The following TEX101 variants were observed in gnomAD, a reference collection of about 807,000 sequenced individuals.
TEX101 encodes testis expressed 101.
A neutral mutation model predicts 18.1 loss-of-function variants in TEX101; 10 were observed. That is an observed-to-expected ratio of 0.55 (90% CI 0.34 to 0.94). The LOEUF is 0.94. Ranked by LOEUF, TEX101 falls within the 40% of genes least tolerant of loss-of-function variation. The probability of loss-of-function intolerance (pLI) is 0.02; values close to 1 mark genes in which losing one functional copy is unlikely to be tolerated. For synonymous variants in TEX101, 94 were observed against 114.8 expected, an observed-to-expected ratio of 0.82 and a Z score of 1.16; for missense variants, 259 against 298.9, an observed-to-expected ratio of 0.87 and a Z score of 0.98.
Position 43,418,207 on chromosome 19 carries a change from C to G in TEX101, c.560C>G (p.Ala187Gly), listed in dbSNP as rs1239636290. ...TCTGTGGAGGTCAAAGGCTGTACAG[C>G]CATGATTGGCTGCAGGCTGATGTCT... is the stretch of plus-strand genomic sequence containing the variant. ...ESSVEVKGCTAMIGCRLMSGI... is the reference protein window; with the variant it reads ...ESSVEVKGCTGMIGCRLMSGI... The change falls in exon 6 of 6, where the codon GCC becomes GGC. Residue 187 changes from alanine (A) to glycine (G), a missense_variant. Coordinates refer to ENST00000598265, the MANE Select transcript of TEX101 (RefSeq NM_001130011.3). 1 of 1,614,068 alleles carries G rather than the reference C, an allele frequency of 6.2e-7. No individual in the cohort carries two copies. The highest frequency in any genetic ancestry group is 1.7e-5 in the Admixed American group (1 of 59,994).
At chr19:43,406,937 T>G (rs1335059030) in intron 3 of TEX101, among the ~76,000 whole-genome samples, 17 of 96,078 alleles carry the variant, frequency 1.8e-4, no homozygotes, top group Middle Eastern at 5.4e-3. Context: ...TTTTGTTTTT[T>G]TTTTTTTTTT....
At chr19:43,396,305 C>T in the TEX101 span, among the ~76,000 whole-genome samples, 1 of 152,344 alleles carries the variant, frequency 6.6e-6, no homozygotes, top group Admixed American at 6.5e-5. Context: ...CCTCATTGCG[C>T]TTCCAAATTT....
Position 43,417,903 on chromosome 19 carries a change from T to C in TEX101, c.417T>C (p.His139=), listed in dbSNP as rs1468735936. 9 of 1,614,164 alleles carry C rather than the reference T, an allele frequency of 5.6e-6. No homozygotes were observed. Among genetic ancestry groups the C allele is most frequent in the Admixed American group, 5.0e-5 (3 of 60,010 alleles). The stretch of plus-strand genomic sequence containing the variant: ...CTTCCACTGTGTCAACAACCCTCCA[T>C]TGTCCAACCTGTGTGGCTTTGGGGA... The part of the protein sequence containing the change: ...TTASTVSTTL[H]CPTCVALGTC... Residue 139 remains histidine (H), a synonymous_variant, in exon 5 of 6, where the codon CAT becomes CAC. Transcript: ENST00000598265.
chr19:43,406,439 G>A (rs1479270067), exon 3 of TEX101: 1 of 760,718 alleles, frequency 1.3e-6, no homozygotes, highest in African/African-American at 1.7e-5. Context: ...GAGCCTGATT[G>A]AAAGGCGGTG....
the TEX101 span, among the ~76,000 whole-genome samples, chr19:43,392,037 C>T: frequency 6.6e-6 from 1 of 151,998 alleles, no homozygotes; most frequent in African/African-American, 2.4e-5. Context: ...AAGCCCCTGG[C>T]TTAGGGGAAA....
intron 3 of TEX101, among the ~76,000 whole-genome samples, chr19:43,409,566 A>AAAG (rs978708885): frequency 2.0e-5 from 3 of 152,150 alleles, no homozygotes; most frequent in Non-Finnish European, 4.4e-5. Context: ...GAGTATTGAA[A>AAAG]AAGATATACC....
At chr19:43,396,868 G>T (rs1357444200), upstream of TEX101, among the ~76,000 whole-genome samples, 2 of 118,180 alleles carry the variant, frequency 1.7e-5, no homozygotes, top group East Asian at 2.6e-4. Flanking sequence ...ACGGAGTCTC[G>T]CTCTGTCGCC....
chr19:43,393,229 C>G, the TEX101 span, among the ~76,000 whole-genome samples: 1 of 152,142 alleles, frequency 6.6e-6, no homozygotes, highest in Admixed American at 6.5e-5. Context: ...GAGACAGAGC[C>G]AGAAACAGAG....
chr19:43,391,441 A>G, the TEX101 span, among the ~76,000 whole-genome samples: 8 of 126,356 alleles, frequency 6.3e-5, no homozygotes, highest in South Asian at 2.4e-4. Flanking sequence ...GAGAACAACC[A>G]TCGTAATGGA....
chr19:43,406,612 A>G (rs8113556), intron 3 of TEX101: 237,336 of 595,182 alleles, frequency 0.4, 50,115 homozygotes, highest in East Asian at 0.68. Flanking sequence ...TTCGAGAGAG[A>G]CTCTGGCTTC....
chr19:43,391,189 A>G, the TEX101 span, among the ~76,000 whole-genome samples: 5 of 152,184 alleles, frequency 3.3e-5, no homozygotes, highest in African/African-American at 1.2e-4. Flanking sequence ...GCTATTGTGA[A>G]TAATGCTGCT....
chr19:43,408,839 C>A (rs1474754678), intron 3 of TEX101, among the ~76,000 whole-genome samples: 2 of 152,156 alleles, frequency 1.3e-5, no homozygotes, highest in Non-Finnish European at 2.9e-5. Flanking sequence ...TCCCTAAGGT[C>A]ACATGGGAAA....
intron 3 of TEX101, among the ~76,000 whole-genome samples, chr19:43,407,823 G>A (rs1418434478): frequency 2.6e-5 from 4 of 152,234 alleles, no homozygotes; most frequent in African/African-American, 9.6e-5. Flanking sequence ...CCCATGCGGA[G>A]AGCTCATTGT....
chr19:43,400,795 CA>C (rs1303459344), upstream of TEX101, among the ~76,000 whole-genome samples: 1 of 152,132 alleles, frequency 6.6e-6, no homozygotes, highest in Non-Finnish European at 1.5e-5. Flanking sequence ...AACTATTAAG[CA>C]AAAGGCTTAA....
intron 1 of TEX101, among the ~76,000 whole-genome samples, chr19:43,415,602 A>G (rs1351481328): frequency 6.6e-6 from 1 of 151,960 alleles, no homozygotes; most frequent in Non-Finnish European, 1.5e-5. Context: ...TCTCTACTAA[A>G]AATACAAAAA....
chr19:43,401,190 T>A (rs118013453), upstream of TEX101, among the ~76,000 whole-genome samples: 356 of 152,292 alleles, frequency 2.3e-3, 10 homozygotes, highest in East Asian at 0.053. Flanking sequence ...AATAAAAAAA[T>A]TCACATATTT....
At chr19:43,414,306 A>G (rs1225216199), upstream of TEX101, among the ~76,000 whole-genome samples, 1 of 152,184 alleles carries the variant, frequency 6.6e-6, no homozygotes, top group Non-Finnish European at 1.5e-5. Flanking sequence ...CTGCTCATGC[A>G]TGCATTCGGG....
At chr19:43,393,756 C>A in the TEX101 span, among the ~76,000 whole-genome samples, 1 of 151,584 alleles carries the variant, frequency 6.6e-6, no homozygotes, top group Non-Finnish European at 1.5e-5. Flanking sequence ...ATATCACGAT[C>A]ATCTCCACTT....
intron 1 of TEX101, 149 bp from the exon 2 acceptor site, chr19:43,415,731 GC>G: frequency 1.5e-6 from 1 of 678,090 alleles, no homozygotes; most frequent in Admixed American, 2.4e-5. Flanking sequence ...CTGCACTCCA[GC>G]CTGGGCGACA....
Sources: allele counts gnomAD v4.1 joint callset (sites outside exome capture counted in the v4.1 genomes callset), GRCh38; gene constraint gnomAD v4.1.1; transcripts MANE v1.5; gene names NCBI Gene and HGNC (gene_info 2026-07-23, HGNC 2026-07-21).